Variants in GABRD observed in about 807,000 individuals in gnomAD.
GABRD encodes the protein gamma-aminobutyric acid type A receptor subunit delta, also known as gamma-aminobutyric acid receptor subunit delta.
GABRD carries 25 observed loss-of-function variants against 47.3 expected under a neutral mutation model. The ratio of observed to expected loss-of-function variants is 0.53; its 90% CI spans 0.39 to 0.74. The LOEUF (loss-of-function observed/expected upper bound fraction) is 0.74, where lower values mean the gene tolerates loss of function less well. GABRD is among the 30% of genes least tolerant of loss of function. GABRD has a pLI of 0.00. For missense variants in GABRD, 497 were observed against 643.4 expected, an observed-to-expected ratio of 0.77 and a Z score of 2.46; for synonymous variants, 314 against 278.8, an observed-to-expected ratio of 1.13 and a Z score of -1.26.
intron 4 of GABRD, chr1:2,027,273 C>G (rs1658952488): frequency 2.2e-6 from 1 of 461,696 alleles, no homozygotes; most frequent in Non-Finnish European, 4.0e-6. Flanking sequence ...GTTCCTCAGC[C>G]ATCGCTCGGG....
At chr1:2,024,823 T>C in intron 1 of GABRD, 119 bp from the exon 2 acceptor site, 1 of 691,222 alleles carries the variant, frequency 1.4e-6, no homozygotes. Context: ...GCTCCCACAG[T>C]GGCCCCCCAT....
chr1:2,030,381 G>A lies in GABRD; in HGVS notation c.*99G>A, dbSNP rs1288088907. The A allele has an allele frequency of 3.7e-6, 4 of 1,070,392 alleles. No homozygotes were observed. Among genetic ancestry groups the A allele is most frequent in the Non-Finnish European group, 5.1e-6 (4 of 779,400 alleles). 66.3% of individuals were successfully genotyped at this position (1,070,392 alleles called of 1,614,324 possible). ...GCCCTCGGGCTGCCTTCCCCTCTGC[G>A]TGTTTCGAAGTGGGATGACAGTCGG... On this transcript the variant is annotated 3_prime_UTR_variant, in exon 9 of 9. Transcript: ENST00000378585.
chr1:2,023,686 G>A (rs934862372), intron 1 of GABRD: 3 of 152,134 alleles, frequency 2.0e-5, no homozygotes, highest in African/African-American at 7.2e-5. Flanking sequence ...CGGGCCTGGC[G>A]ACCTGGAGGA....
chr1:2,020,874 C>G (rs1658753989), intron 1 of GABRD, among the ~76,000 whole-genome samples: 1 of 152,226 alleles, frequency 6.6e-6, no homozygotes, highest in Non-Finnish European at 1.5e-5. Flanking sequence ...CTTTATTAAT[C>G]CTACTTCTGG....
At position 2,029,755 on chromosome 1, in the gene GABRD, G is replaced by C. The variant is rs1487316206; in HGVS notation, c.1052G>C (p.Arg351Thr). The C allele has an allele frequency of 6.2e-7, 1 of 1,612,444 alleles. No individual in the cohort carries two copies. The highest frequency in any genetic ancestry group is 2.2e-5 in the East Asian group (1 of 44,876). The stretch of plus-strand genomic sequence containing the variant: ...GCCAAGGTCAAGGTCTCCAGGCCGA[G>C]GGCAGAGGTGAGGGCCTGGGGCCGA... The part of the protein sequence containing the change: ...QKAKVKVSRP[R>T]AEMDVRNAIV... Residue 351 changes from arginine to threonine, a missense_variant, in exon 8 of 9, where the codon AGG (arginine) becomes ACG (threonine). Around this residue, in one of 3 missense-constraint regions of GABRD, gnomAD observed 285 missense variants for 436.6 expected, o/e 0.65. Transcript: ENST00000378585.
intron 4 of GABRD, chr1:2,027,059 A>G (rs1658947140): frequency 4.8e-6 from 1 of 208,794 alleles, no homozygotes; most frequent in Non-Finnish European, 9.7e-6. Flanking sequence ...CGGGAGGCTG[A>G]GGTGGGAGGA....
In GABRD at chr1:2,028,350, A is replaced by G. The variant is rs373595836; in HGVS notation, c.691+58A>G. ...CCCGCCGCCCCTTCCGCGCGCGCCC[A>G]CCGCCCCTTCCGCGCGCGCCCACCG... On this transcript the variant is annotated intron_variant, in intron 6 of 8. Transcript: ENST00000378585. The surrounding 1 kb of genome is among the most constrained non-coding windows in gnomAD (Gnocchi z 6.4). The G allele has an allele frequency of 2.2e-3, 3,227 of 1,454,082 alleles. 20 individuals carry two copies. In the African/African-American group the frequency reaches 0.024, roughly 11 times the overall value. The allele number at this position is 1,454,082 out of a possible 1,614,324, so 90.1% of individuals were successfully genotyped here.
Position 2,028,338 on chromosome 1 carries a change from C to CCG in GABRD, c.691+54_691+55dup. 6.4e-7 allele frequency: 1 copy of CCG among 1,552,540 alleles called. No homozygotes were observed. Among genetic ancestry groups the CCG allele is most frequent in the Non-Finnish European group, 8.7e-7 (1 of 1,146,198 alleles). On this transcript the variant is annotated intron_variant, in intron 6 of 8. Coordinates refer to ENST00000378585, the MANE Select transcript of GABRD (RefSeq NM_000815.5). The surrounding 1 kb of genome is among the most constrained non-coding windows in gnomAD (Gnocchi z 6.4). ...CTTCCGCATGTGCCCGCCGCCCCTTCCGCGCGCGCCCACCGCCCCTTCCGC... is the reference window on the plus strand; with the variant it reads ...CTTCCGCATGTGCCCGCCGCCCCTTCCGCGCGCGCGCCCACCGCCCCTTCCGC...
Position 2,028,848 on chromosome 1 carries a change from G to A in GABRD, c.692-263G>A. 1 of 549,772 alleles carries A rather than the reference G, an allele frequency of 1.8e-6. No homozygotes were observed. Among genetic ancestry groups the A allele is most frequent in the Non-Finnish European group, 3.2e-6 (1 of 311,552 alleles). The allele number at this position is 549,772 out of a possible 1,614,324, so 34.1% of individuals were successfully genotyped here. A position where few individuals can be genotyped will look rare whatever the true frequency, so the allele number is the denominator to read the frequency against. ...GCGAGGGTCCCTCAGGGCCAGTCCAGCAAACATGAGGCCAGCAGTAACCTC... is the reference window on the plus strand; with the variant it reads ...GCGAGGGTCCCTCAGGGCCAGTCCAACAAACATGAGGCCAGCAGTAACCTC... On this transcript the variant is annotated intron_variant, in intron 6 of 8. Coordinates refer to ENST00000378585, the MANE Select transcript of GABRD (RefSeq NM_000815.5). The surrounding 1 kb of genome is among the most constrained non-coding windows in gnomAD (Gnocchi z 6.4).
intron 1 of GABRD, among the ~76,000 whole-genome samples, chr1:2,021,034 C>A (rs948568525): frequency 5.3e-5 from 8 of 152,320 alleles, no homozygotes; most frequent in Admixed American, 4.6e-4. Flanking sequence ...GATTCTGTGC[C>A]TGTTTCCTTG....
Position 2,028,735 on chromosome 1 carries a change from C to T in GABRD, c.692-376C>T, listed in dbSNP as rs545926919. 2.4e-3 allele frequency among the ~76,000 whole-genome samples: 370 copies of T among 152,314 alleles called. No individual in the cohort carries two copies. The highest frequency in any genetic ancestry group is 8.3e-3 in the African/African-American group (343 of 41,572). Reference sequence around the variant, plus strand: ...GCACCCCGTCCCCGGTCATCCAGAGCCAGTGAGCCCAGTGCTGGCTCCTTC... The same window carrying T: ...GCACCCCGTCCCCGGTCATCCAGAGTCAGTGAGCCCAGTGCTGGCTCCTTC... On this transcript the variant is annotated intron_variant, in intron 6 of 8. Transcript: ENST00000378585. The surrounding 1 kb of genome is among the most constrained non-coding windows in gnomAD (Gnocchi z 6.4).
In GABRD at chr1:2,028,311, C is replaced by T. The variant is rs746553251; in HGVS notation, c.691+19C>T. 1.8e-5 allele frequency: 29 copies of T among 1,601,318 alleles called. No individual in the cohort carries two copies. The Admixed American group carries it at 2.7e-4, about 15-fold the overall frequency. ...AAGTCCGGTAACATATGCCCGCCGCCCCTTCCGCATGTGCCCGCCGCCCCT... is the reference window on the plus strand; with the variant it reads ...AAGTCCGGTAACATATGCCCGCCGCTCCTTCCGCATGTGCCCGCCGCCCCT... On this transcript the variant is annotated intron_variant, in intron 6 of 8. Transcript: ENST00000378585. The surrounding 1 kb of genome is among the most constrained non-coding windows in gnomAD (Gnocchi z 6.4).
intron 2 of GABRD, 134 bp from the exon 3 acceptor site, chr1:2,025,200 A>C: frequency 1.5e-6 from 2 of 1,293,876 alleles, no homozygotes; most frequent in Non-Finnish European, 2.2e-6. Flanking sequence ...AGGCCCCCAC[A>C]GAGACAGCCA....
rs377536787 is a variant in GABRD, at chr1:2,025,535, G to A, written c.267G>A (p.Val89=). ...CTCCACAGGAGTACACCATGACGGT[G>A]TTCCTGCACCAGAGCTGGCGGGACA... ...SEANMEYTMT[V]FLHQSWRDSR... Residue 89 remains valine, a synonymous_variant, in exon 4 of 9, where the codon GTG becomes GTA. Coordinates refer to ENST00000378585, the MANE Select transcript of GABRD (RefSeq NM_000815.5). The A allele has an allele frequency of 1.4e-5, 23 of 1,613,080 alleles. No homozygotes were observed. The African/African-American group carries it at 2.3e-4, about 16-fold the overall frequency.
chr1:2,030,155 G>C lies in GABRD; in HGVS notation c.1232G>C (p.Gly411Ala), dbSNP rs997941232. 6.3e-7 allele frequency: 1 copy of C among 1,575,670 alleles called. No individual in the cohort carries two copies. Among genetic ancestry groups the C allele is most frequent in the Non-Finnish European group, 8.6e-7 (1 of 1,159,576 alleles). Reference sequence around the variant, plus strand: ...AAGGAGGGGGCAGCCCGCTCAGGAGGCCAGGGGGGCATCCGTGCCCGGCTC... The same window carrying C: ...AAGGAGGGGGCAGCCCGCTCAGGAGCCCAGGGGGGCATCCGTGCCCGGCTC... ...TKKEGAARSGGQGGIRARLRP... is the reference protein window; with the variant it reads ...TKKEGAARSGAQGGIRARLRP... The change falls in exon 9 of 9, where the codon GGC (glycine) becomes GCC (alanine). Residue 411 changes from glycine (G) to alanine (A), a missense_variant. Gly to Ala is a moderately conservative substitution (Grantham distance 60, BLOSUM62 0). This residue lies in a region of GABRD where 121 missense variants were observed against 121.3 expected (regional missense o/e 1.00). Coordinates refer to ENST00000378585, the MANE Select transcript of GABRD (RefSeq NM_000815.5).
chr1:2,020,692 T>G (rs1483186010), intron 1 of GABRD, among the ~76,000 whole-genome samples: 1 of 152,200 alleles, frequency 6.6e-6, no homozygotes, highest in African/African-American at 2.4e-5. Flanking sequence ...GGGGCACAGT[T>G]GTGGATGCTG....
At chr1:2,027,216 T>G in intron 4 of GABRD, 1 of 358,984 alleles carries the variant, frequency 2.8e-6, no homozygotes, top group Non-Finnish European at 5.3e-6. Flanking sequence ...ATATTTGACC[T>G]CTCCTAGAAA....
At chr1:2,027,265 T>G (rs1045171429) in intron 4 of GABRD, 1 of 450,070 alleles carries the variant, frequency 2.2e-6, no homozygotes, top group South Asian at 2.1e-5. Context: ...TCCCGTGTGT[T>G]CCTCAGCCAT....
Position 2,029,989 on chromosome 1 carries a change from G to A in GABRD, c.1066G>A (p.Val356Met), listed in dbSNP as rs761171989. ...CCCACCGGCCTTCGTGCAGATGGAC[G>A]TGAGGAACGCCATTGTCCTCTTCTC... ...KVSRPRAEMDVRNAIVLFSLS... is the reference protein window; with the variant it reads ...KVSRPRAEMDMRNAIVLFSLS... Residue 356 changes from valine to methionine, a missense_variant, in exon 9 of 9, where the codon GTG becomes ATG. By Grantham distance (21) the Val-to-Met change is conservative. Around this residue, in one of 3 missense-constraint regions of GABRD, gnomAD observed 285 missense variants for 436.6 expected, o/e 0.65. Coordinates refer to ENST00000378585, the MANE Select transcript of GABRD (RefSeq NM_000815.5). 8.7e-6 allele frequency: 14 copies of A among 1,612,560 alleles called. No individual in the cohort carries two copies. Among genetic ancestry groups the A allele is most frequent in the African/African-American group, 2.7e-5 (2 of 74,946 alleles).
Sources: gnomAD v4.1 joint callset for allele counts (sites outside exome capture counted in the v4.1 genomes callset) on GRCh38, gnomAD v4.1.1 for gene constraint, gnomAD v4.1.1 regional missense constraint, Gnocchi (gnomAD v3.1) non-coding constraint, MANE v1.5 for transcripts, NCBI Gene and HGNC (gene_info 2026-07-23, HGNC 2026-07-21) for gene names.